MBOAT1: variants seen among roughly 807,000 people sequenced by gnomAD.
MBOAT1 encodes membrane-bound glycerophospholipid O-acyltransferase 1.
MBOAT1 carries 67 observed loss-of-function variants against 64.4 expected under a neutral mutation model. The ratio of observed to expected loss-of-function variants is 1.04; its 90% confidence interval spans 0.85 to 1.27. The LOEUF (loss-of-function observed/expected upper bound fraction) is 1.27, where lower values mean the gene tolerates loss of function less well. Ranked by LOEUF, MBOAT1 falls within the 50% of genes most tolerant of loss-of-function variation. The pLI, the probability that MBOAT1 is intolerant of heterozygous loss-of-function variation, is 0.00. For missense variants in MBOAT1, 563 were observed against 604.6 expected (o/e 0.93, Z 0.72); for synonymous variants, 229 against 218.9 (o/e 1.05, Z -0.41).
chr6:20,105,097 G>A (rs933407229), intron 12 of MBOAT1, among the ~76,000 whole-genome samples: 3 of 152,206 alleles, frequency 2.0e-5, no homozygotes, highest in Admixed American at 2.0e-4. Flanking sequence ...GGTATAGACT[G>A]GGATTCTCAT....
At chr6:20,177,021 A>T (rs912827409) in intron 1 of MBOAT1, among the ~76,000 whole-genome samples, 5 of 152,204 alleles carry the variant, frequency 3.3e-5, no homozygotes, top group African/African-American at 1.2e-4. Context: ...TTACACAGCT[A>T]TTTCATACAT....
intron 6 of MBOAT1, among the ~76,000 whole-genome samples, chr6:20,127,172 C>A (rs1331289626): frequency 6.6e-6 from 1 of 152,102 alleles, no homozygotes; most frequent in African/African-American, 2.4e-5. Flanking sequence ...AGAGGCCACG[C>A]AGAAGAACCG....
At chr6:20,149,114 A>C (rs1761415916) in intron 3 of MBOAT1, among the ~76,000 whole-genome samples, 2 of 151,672 alleles carry the variant, frequency 1.3e-5, no homozygotes, top group African/African-American at 2.4e-5. Flanking sequence ...AAAAAAAAAA[A>C]AAAAACCAAA....
At chr6:20,206,138 G>A (rs1485595044) in intron 1 of MBOAT1, among the ~76,000 whole-genome samples, 1 of 151,886 alleles carries the variant, frequency 6.6e-6, no homozygotes, top group Non-Finnish European at 1.5e-5. Context: ...GCAGGTCAGA[G>A]CTTTTCCAGA....
chr6:20,113,699 A>G (rs903374840), intron 10 of MBOAT1, among the ~76,000 whole-genome samples: 3 of 152,126 alleles, frequency 2.0e-5, no homozygotes, highest in Non-Finnish European at 4.4e-5. Flanking sequence ...TATTTAAAAA[A>G]AGTGACAGGG....
At chr6:20,133,886 G>A (rs995563985) in intron 4 of MBOAT1, among the ~76,000 whole-genome samples, 5 of 152,088 alleles carry the variant, frequency 3.3e-5, no homozygotes, top group African/African-American at 9.7e-5. Context: ...CCATTGCTGC[G>A]ATTTTACCCA....
At position 20,112,981 on chromosome 6, in the gene MBOAT1, G is replaced by C; in HGVS notation, c.1104C>G (p.Tyr368Ter). 6.2e-7 allele frequency: 1 copy of C among 1,614,050 alleles called. No homozygotes were observed. Among genetic ancestry groups the C allele is most frequent in the East Asian group, 2.2e-5 (1 of 44,878 alleles). The change falls in exon 11 of 13, where the codon TAC (tyrosine) becomes TAG (stop). Residue 368 changes from tyrosine (Y) to a stop codon, truncating the protein, a stop_gained. Coordinates refer to ENST00000324607, the MANE Select transcript of MBOAT1 (RefSeq NM_001080480.3). LOFTEE classifies it high-confidence loss of function. ...ACAGGATGAAGGTTAGCACCGTGGG[G>C]TACCATGGAACCCGCTGATAGCACA... is the stretch of plus-strand genomic sequence containing the variant. ...KCVCYQRVPWYPTVLTFILSA... is the reference protein window; with the variant it reads ...KCVCYQRVPW
chr6:20,121,847 A>T (rs1448611204), intron 8 of MBOAT1, among the ~76,000 whole-genome samples: 1 of 152,058 alleles, frequency 6.6e-6, no homozygotes, highest in African/African-American at 2.4e-5. Context: ...ATACACATTC[A>T]CTCAGATTAG....
At chr6:20,124,978 C>T (rs1200118236) in intron 7 of MBOAT1, among the ~76,000 whole-genome samples, 1 of 152,198 alleles carries the variant, frequency 6.6e-6, no homozygotes, top group Non-Finnish European at 1.5e-5. Flanking sequence ...ATTCCTGTGG[C>T]CAGCAGAGCC....
intron 1 of MBOAT1, among the ~76,000 whole-genome samples, chr6:20,179,425 G>A (rs540118191): frequency 3.3e-5 from 5 of 152,152 alleles, no homozygotes; most frequent in Non-Finnish European, 7.3e-5. Context: ...TTCTGTTCCT[G>A]CATTAGTTTG....
chr6:20,169,866 C>A (rs184495514), intron 1 of MBOAT1, among the ~76,000 whole-genome samples: 246 of 152,246 alleles, frequency 1.6e-3, no homozygotes, highest in African/African-American at 5.5e-3. Flanking sequence ...TCATTTTTAA[C>A]CTCCCTTTGT....
chr6:20,154,564 A>G (rs1761621612), intron 1 of MBOAT1, among the ~76,000 whole-genome samples: 1 of 152,126 alleles, frequency 6.6e-6, no homozygotes, highest in Non-Finnish European at 1.5e-5. Context: ...AAGATAAAAA[A>G]TAAAATAGAA....
chr6:20,132,593 C>T (rs1238831852), intron 4 of MBOAT1, among the ~76,000 whole-genome samples: 1 of 152,080 alleles, frequency 6.6e-6, no homozygotes, highest in Non-Finnish European at 1.5e-5. Flanking sequence ...GGATCAAAGA[C>T]CTAGATCTAA....
chr6:20,116,590 A>T (rs1760326846), intron 9 of MBOAT1, among the ~76,000 whole-genome samples: 1 of 152,192 alleles, frequency 6.6e-6, no homozygotes, highest in Non-Finnish European at 1.5e-5. Context: ...TTTTATTTCA[A>T]AACTTCAAGG....
intron 7 of MBOAT1, chr6:20,125,863 CT>C: frequency 2.3e-6 from 1 of 439,204 alleles, no homozygotes; most frequent in Admixed American, 2.7e-5. Flanking sequence ...CATTTCCTTC[CT>C]TTTCCAATTT....
intron 1 of MBOAT1, among the ~76,000 whole-genome samples, chr6:20,170,979 A>T (rs1762172826): frequency 6.6e-6 from 1 of 152,212 alleles, no homozygotes; most frequent in South Asian, 2.1e-4. Context: ...GGAAATTTTT[A>T]AAATGTAGAA....
chr6:20,147,374 T>C (rs1330776976), intron 3 of MBOAT1, among the ~76,000 whole-genome samples: 1 of 152,214 alleles, frequency 6.6e-6, no homozygotes, highest in African/African-American at 2.4e-5. Context: ...GTGTGATGGC[T>C]CACGCCTGTT....
chr6:20,200,290 G>A (rs1422054011), intron 1 of MBOAT1, among the ~76,000 whole-genome samples: 1 of 152,132 alleles, frequency 6.6e-6, no homozygotes, highest in Non-Finnish European at 1.5e-5. Context: ...ATACAGGTAC[G>A]ATCTTTTTAG....
At chr6:20,149,068 T>C (rs1581424058) in intron 3 of MBOAT1, among the ~76,000 whole-genome samples, 1 of 135,304 alleles carries the variant, frequency 7.4e-6, no homozygotes, top group Non-Finnish European at 1.5e-5. Context: ...ATCACTGCAC[T>C]CCAGCCTGGG....
Sources: gnomAD v4.1 joint callset for allele counts (sites outside exome capture counted in the v4.1 genomes callset) on GRCh38, gnomAD v4.1.1 for gene constraint, MANE v1.5 for transcripts, NCBI Gene and HGNC (gene_info 2026-07-23, HGNC 2026-07-21) for gene names.